The following ASTN2 variants were observed in gnomAD, a reference collection of about 807,000 sequenced individuals.
ASTN2 encodes astrotactin-2.
ASTN2 carries 54 observed loss-of-function variants against 139.8 expected under a neutral mutation model. That is an observed-to-expected ratio of 0.39 (90% confidence interval 0.31 to 0.48). The LOEUF is 0.48. Ranked by LOEUF, ASTN2 falls within the 20% of genes least tolerant of loss-of-function variation. The probability of loss-of-function intolerance (pLI) is 0.95; values close to 1 mark genes in which losing one functional copy is unlikely to be tolerated. For synonymous variants in ASTN2, 756 were observed against 719.5 expected, an observed-to-expected ratio of 1.05 and a Z score of -0.81; for missense variants, 1,565 against 1,725.1, an observed-to-expected ratio of 0.91 and a Z score of 1.64.
chr9:116,561,693 C>A (rs1176222025), intron 19 of ASTN2, among the ~76,000 whole-genome samples: 1 of 152,198 alleles, frequency 6.6e-6, no homozygotes, highest in Non-Finnish European at 1.5e-5. Flanking sequence ...ATAAAGATCC[C>A]ATCCCTATGA....
chr9:116,828,577 T>C (rs1053870380), intron 11 of ASTN2, among the ~76,000 whole-genome samples: 26 of 151,816 alleles, frequency 1.7e-4, no homozygotes, highest in Non-Finnish European at 2.9e-4. Flanking sequence ...CACCTCAACA[T>C]AGTAAAGGCC....
At chr9:116,926,681 C>G (rs1255445038) in intron 10 of ASTN2, among the ~76,000 whole-genome samples, 3 of 152,148 alleles carry the variant, frequency 2.0e-5, no homozygotes, top group Admixed American at 2.0e-4. Flanking sequence ...TCATTTAAGT[C>G]TTTTCCAGGA....
chr9:117,412,855 C>A (rs1831206597), intron 1 of ASTN2, among the ~76,000 whole-genome samples: 1 of 152,188 alleles, frequency 6.6e-6, no homozygotes, highest in Non-Finnish European at 1.5e-5. Context: ...TGAGGTTAGT[C>A]CGGCGGCGCT....
intron 5 of ASTN2, among the ~76,000 whole-genome samples, chr9:117,060,318 A>AAAAGAAAAAAG (rs1839206455): frequency 1.8e-5 from 2 of 110,258 alleles, no homozygotes; most frequent in Non-Finnish European, 3.5e-5. Flanking sequence ...CAAAAAAGAA[A>AAAAGAAAAAAG]AAAGAAAGAA....
chr9:117,030,530 C>T (rs141981414), intron 6 of ASTN2, among the ~76,000 whole-genome samples: 244 of 152,276 alleles, frequency 1.6e-3, no homozygotes, highest in African/African-American at 5.7e-3. Context: ...GCCAAGCTAA[C>T]ATCTTAGCAC....
chr9:117,363,599 T>C (rs1382587306), intron 1 of ASTN2, among the ~76,000 whole-genome samples: 3 of 152,132 alleles, frequency 2.0e-5, no homozygotes, highest in Non-Finnish European at 2.9e-5. Context: ...GATCAGCAGA[T>C]AGAGAGGACA....
At chr9:117,185,809 C>T (rs977532381) in intron 3 of ASTN2, among the ~76,000 whole-genome samples, 2 of 151,648 alleles carry the variant, frequency 1.3e-5, no homozygotes, top group Non-Finnish European at 2.9e-5. Context: ...CAGGTGGGAG[C>T]CAAAGAGGAA....
intron 13 of ASTN2, among the ~76,000 whole-genome samples, chr9:116,788,769 A>G (rs566515002): frequency 4.8e-4 from 73 of 152,126 alleles, no homozygotes; most frequent in African/African-American, 1.5e-3. Flanking sequence ...ATTCAATCCT[A>G]TTTTTTTTCT....
Position 116,959,644 on chromosome 9 carries a change from A to AT in ASTN2, c.1889+15563dup, listed in dbSNP as rs570518360. ...ACGCTCAACACTGGAAGTTGTCACC[A>AT]TAACTCCCAGCTCAGAAAGGACAGC... On this transcript the variant is annotated intron_variant, in intron 10 of 22. Coordinates refer to ENST00000313400, the MANE Select transcript of ASTN2 (RefSeq NM_001365068.1). Among the ~76,000 whole-genome samples, 72 of 152,234 alleles carry AT rather than the reference A, an allele frequency of 4.7e-4. No individual in the cohort carries two copies. The South Asian group carries it at 0.014, about 30-fold the overall frequency.
intron 11 of ASTN2, among the ~76,000 whole-genome samples, chr9:116,823,377 T>C (rs551745473): frequency 1.3e-5 from 2 of 152,266 alleles, no homozygotes; most frequent in African/African-American, 4.8e-5. Context: ...CTGACTGATC[T>C]CTAGTTTTAA....
At chr9:117,126,461 T>A (rs143737421) in intron 4 of ASTN2, among the ~76,000 whole-genome samples, 1 of 152,348 alleles carries the variant, frequency 6.6e-6, no homozygotes, top group African/African-American at 2.4e-5. Context: ...CAGTAATACA[T>A]GTGAAACTCA....
intron 11 of ASTN2, among the ~76,000 whole-genome samples, chr9:116,845,727 G>A (rs1200459881): frequency 1.3e-5 from 2 of 152,168 alleles, no homozygotes; most frequent in African/African-American, 2.4e-5. Context: ...AATAATGAGT[G>A]TTGGTGAAGA....
chr9:116,872,048 T>A (rs1381690891), intron 10 of ASTN2, among the ~76,000 whole-genome samples: 7 of 152,166 alleles, frequency 4.6e-5, no homozygotes, highest in Non-Finnish European at 8.8e-5. Flanking sequence ...CACTGCAACC[T>A]CCGCCTCCCA....
At chr9:117,204,456 G>A (rs1282829738) in intron 3 of ASTN2, among the ~76,000 whole-genome samples, 1 of 152,216 alleles carries the variant, frequency 6.6e-6, no homozygotes, top group Non-Finnish European at 1.5e-5. Context: ...TATGCTGGAT[G>A]CTACAAAAAC....
chr9:116,590,414 C>G (rs1445664773), intron 19 of ASTN2, among the ~76,000 whole-genome samples: 1 of 152,208 alleles, frequency 6.6e-6, no homozygotes, highest in African/African-American at 2.4e-5. Flanking sequence ...CATGCCAGCC[C>G]CCTGTTGCCT....
intron 3 of ASTN2, among the ~76,000 whole-genome samples, chr9:117,207,484 A>G (rs148537059): frequency 6.6e-6 from 1 of 152,304 alleles, no homozygotes; most frequent in Non-Finnish European, 1.5e-5. Context: ...ACACCCACAT[A>G]GCAGGCCTAA....
chr9:117,091,290 A>G (rs1454970943), intron 5 of ASTN2, among the ~76,000 whole-genome samples: 1 of 152,094 alleles, frequency 6.6e-6, no homozygotes. Flanking sequence ...CATTCATTCA[A>G]AATATTCACC....
intron 20 of ASTN2, among the ~76,000 whole-genome samples, chr9:116,458,393 A>C (rs1454770174): frequency 6.6e-6 from 1 of 152,024 alleles, no homozygotes; most frequent in African/African-American, 2.4e-5. Flanking sequence ...CAAAGAAATA[A>C]TAAATGCTTG....
chr9:116,846,912 C>T (rs1832446412), intron 11 of ASTN2, among the ~76,000 whole-genome samples: 1 of 148,878 alleles, frequency 6.7e-6, no homozygotes, highest in Non-Finnish European at 1.5e-5. Flanking sequence ...TGGTGGCAGT[C>T]GCGAAGCCTT....
Sources: allele counts gnomAD v4.1 joint callset (sites outside exome capture counted in the v4.1 genomes callset), GRCh38; gene constraint gnomAD v4.1.1; transcripts MANE v1.5; gene names NCBI Gene and HGNC (gene_info 2026-07-23, HGNC 2026-07-21).